Variants in LIPC observed in about 807,000 individuals in gnomAD.
LIPC encodes the protein hepatic triacylglycerol lipase.
Under a neutral mutation model 50.7 loss-of-function variants are expected in LIPC, and 44 were observed. The observed-to-expected ratio is 0.87, with a 90% confidence interval of 0.68 to 1.11. LIPC has a LOEUF of 1.11. Ranked by LOEUF, LIPC falls within the 50% of genes most tolerant of loss-of-function variation. LIPC has a pLI of 0.00. For synonymous variants in LIPC, 271 were observed against 256.4 expected, an observed-to-expected ratio of 1.06 and a Z score of -0.54; for missense variants, 697 against 648.2, an observed-to-expected ratio of 1.08 and a Z score of -0.82.
chr15:58,551,935 A>C (rs754039629), intron 6 of LIPC, among the ~76,000 whole-genome samples: 27 of 152,232 alleles, frequency 1.8e-4, no homozygotes, highest in Non-Finnish European at 3.1e-4. Flanking sequence ...AACTCGGGTA[A>C]ACACTGCGAG....
At chr15:58,554,742 G>A (rs1893875670) in intron 6 of LIPC, among the ~76,000 whole-genome samples, 1 of 152,044 alleles carries the variant, frequency 6.6e-6, no homozygotes, top group South Asian at 2.1e-4. Context: ...AAGAGGAGGA[G>A]GAAGAAGAAG....
intron 1 of LIPC, among the ~76,000 whole-genome samples, chr15:58,462,667 C>T (rs1018672756): frequency 3.3e-5 from 5 of 152,216 alleles, no homozygotes; most frequent in African/African-American, 1.2e-4. Context: ...AGTCAGGCTC[C>T]TGTCAGCTCG....
At chr15:58,540,725 C>T (rs770094013) in intron 2 of LIPC, among the ~76,000 whole-genome samples, 4 of 152,208 alleles carry the variant, frequency 2.6e-5, no homozygotes, top group Non-Finnish European at 5.9e-5. Context: ...TGTGACTCTG[C>T]ACGCACTGTT....
rs1891644425 is a variant in LIPC, at chr15:58,493,240, GC to G, written c.89-45091del. On this transcript the variant is annotated intron_variant, in intron 1 of 8. Transcript: ENST00000299022. ...CTAGCAAGGCGAGGAGGTTCTCTCT[GC>G]CGGCCACCTCCTCCCGCCAGCACTC... Among the ~76,000 whole-genome samples, 3 of 152,052 alleles carry G rather than the reference GC, an allele frequency of 2.0e-5. No individual in the cohort carries two copies. The South Asian group carries it at 6.2e-4, about 32-fold the overall frequency.
intron 1 of LIPC, among the ~76,000 whole-genome samples, chr15:58,523,673 C>T (rs1342455136): frequency 5.3e-5 from 8 of 152,044 alleles, no homozygotes; most frequent in African/African-American, 1.7e-4. Flanking sequence ...AATCCCAACA[C>T]TTTGGGAGCC....
chr15:58,537,336 A>G (rs8039477), intron 1 of LIPC, among the ~76,000 whole-genome samples: 24,646 of 152,190 alleles, frequency 0.16, 2,614 homozygotes, highest in African/African-American at 0.29. Flanking sequence ...GCTCATGGTC[A>G]TAGTGAGGCT....
At chr15:58,489,342 C>T (rs2140800851) in intron 1 of LIPC, among the ~76,000 whole-genome samples, 1 of 151,882 alleles carries the variant, frequency 6.6e-6, no homozygotes, top group Non-Finnish European at 1.5e-5. Flanking sequence ...CAAGACCACG[C>T]TATTGTAGTA....
At chr15:58,471,652 G>T (rs1247055454) in intron 1 of LIPC, among the ~76,000 whole-genome samples, 1 of 152,184 alleles carries the variant, frequency 6.6e-6, no homozygotes, top group African/African-American at 2.4e-5. Context: ...AGTGAATGGA[G>T]ATTTGCCTAA....
intron 1 of LIPC, among the ~76,000 whole-genome samples, chr15:58,505,317 G>C (rs1475112990): frequency 1.3e-5 from 2 of 152,224 alleles, no homozygotes; most frequent in African/African-American, 2.4e-5. Context: ...AGGCAAGTGG[G>C]ATAATCCCCG....
chr15:58,566,267 G>A, intron 8 of LIPC: 1 of 985,414 alleles, frequency 1.0e-6, no homozygotes, highest in Non-Finnish European at 1.2e-6. Flanking sequence ...GCTTTGAGGA[G>A]GCCAAGAGGT....
intron 1 of LIPC, among the ~76,000 whole-genome samples, chr15:58,509,236 T>C (rs1892258276): frequency 6.6e-6 from 1 of 152,194 alleles, no homozygotes; most frequent in African/African-American, 2.4e-5. Flanking sequence ...TGATTCCTCC[T>C]CAGATGATGA....
At chr15:58,565,274 C>T (rs1376952564) in intron 8 of LIPC, 1 of 1,535,728 alleles carries the variant, frequency 6.5e-7, no homozygotes, top group Admixed American at 2.0e-5. Flanking sequence ...TGGAGCAGCG[C>T]TGCTTCTGAG....
chr15:58,556,367 G>A (rs567140316), intron 6 of LIPC, among the ~76,000 whole-genome samples: 81 of 152,290 alleles, frequency 5.3e-4, no homozygotes, highest in African/African-American at 1.9e-3. Context: ...CAAGGCAGAG[G>A]CCACAAAGGA....
At chr15:58,512,544 G>T (rs1289595904) in intron 1 of LIPC, among the ~76,000 whole-genome samples, 1 of 152,214 alleles carries the variant, frequency 6.6e-6, no homozygotes, top group Admixed American at 6.5e-5. Context: ...GATGGCCTGG[G>T]CCGGCTGGGT....
At chr15:58,566,951 T>A (rs1280430523) in intron 8 of LIPC, among the ~76,000 whole-genome samples, 1 of 152,090 alleles carries the variant, frequency 6.6e-6, no homozygotes, top group African/African-American at 2.4e-5. Context: ...GGAATTTCAT[T>A]CAACAACTAA....
chr15:58,511,861 T>A (rs1340010033), intron 1 of LIPC, among the ~76,000 whole-genome samples: 2 of 152,208 alleles, frequency 1.3e-5, no homozygotes, highest in Non-Finnish European at 2.9e-5. Flanking sequence ...TAGGATTCTC[T>A]CTTGCCAATT....
At chr15:58,439,689 G>A (rs1331018435) in intron 1 of LIPC, among the ~76,000 whole-genome samples, 4 of 152,246 alleles carry the variant, frequency 2.6e-5, no homozygotes, top group Admixed American at 6.5e-5. Flanking sequence ...TGATCTGCCC[G>A]CCTCAGCCTC....
chr15:58,437,476 G>T (rs1051873249), intron 1 of LIPC, among the ~76,000 whole-genome samples: 5 of 152,108 alleles, frequency 3.3e-5, no homozygotes, highest in Non-Finnish European at 7.4e-5. Flanking sequence ...GAGATTCTAA[G>T]TATATTTAAA....
intron 2 of LIPC, among the ~76,000 whole-genome samples, chr15:58,539,085 G>A (rs117255956): frequency 0.013 from 2,034 of 152,262 alleles, 28 homozygotes; most frequent in Non-Finnish European, 0.018. Flanking sequence ...GCCATCTTGG[G>A]GTGTGACCCT....
Sources: gnomAD v4.1 joint callset for allele counts (sites outside exome capture counted in the v4.1 genomes callset) on GRCh38, gnomAD v4.1.1 for gene constraint, MANE v1.5 for transcripts, NCBI Gene and HGNC (gene_info 2026-07-23, HGNC 2026-07-21) for gene names.